The following PDE9A variants were observed in gnomAD, a reference collection of about 807,000 sequenced individuals.
The protein encoded by PDE9A is phosphodiesterase 9A, also known as high affinity cGMP-specific 3',5'-cyclic phosphodiesterase 9A.
PDE9A carries 60 observed loss-of-function variants against 87.4 expected under a neutral mutation model. The ratio of observed to expected loss-of-function variants is 0.69; its 90% CI spans 0.56 to 0.85. The LOEUF (loss-of-function observed/expected upper bound fraction) is 0.85. Among genes scored for constraint, PDE9A ranks in the 40% least tolerant of loss-of-function variants. PDE9A has a pLI of 0.00. For missense variants in PDE9A, 665 were observed against 779.0 expected, an observed-to-expected ratio of 0.85 and a Z score of 1.74; for synonymous variants, 272 against 279.4, an observed-to-expected ratio of 0.97 and a Z score of 0.27.
intron 3 of PDE9A, among the ~76,000 whole-genome samples, chr21:42,698,185 A>G (rs1006985656): frequency 2.0e-5 from 3 of 152,156 alleles, no homozygotes; most frequent in African/African-American, 7.2e-5. Context: ...AGATGTGGCA[A>G]CCCACACCCC....
rs900302721 is a variant in PDE9A at position 42,682,544 on chromosome 21, T to C, written c.70-3648T>C. On this transcript the variant is annotated intron_variant, in intron 1 of 19. Transcript: ENST00000291539. ...ATATCAGAAGCAAAAGCCTCTGTTG[T>C]TTGCTATCCTAAGGTTAGGAAGCCA... is the stretch of plus-strand genomic sequence containing the variant. Among the ~76,000 whole-genome samples the C allele has an allele frequency of 3.9e-5, 6 of 152,376 alleles. No homozygotes were observed. In the South Asian group the frequency reaches 1.2e-3, roughly 32 times the overall value.
Position 42,770,703 on chromosome 21 carries a change from C to A in PDE9A, c.1591C>A (p.Leu531Ile). 2 of 1,611,848 alleles carry A rather than the reference C, an allele frequency of 1.2e-6. No homozygotes were observed. The highest frequency in any genetic ancestry group is 1.7e-6 in the Non-Finnish European group (2 of 1,177,852). ...LIPMFETVTK[L>I]FPMVEEIMLQ... ...GAATAAATCCGTGTGTCTCTCCCAG[C>A]TCTTCCCCATGGTTGAGGAGATCAT... Residue 531 changes from leucine (L) to isoleucine (I), a missense_variant and splice_region_variant, in exon 18 of 20, where the codon CTC (leucine) becomes ATC (isoleucine). Leu to Ile is a conservative substitution (Grantham distance 5). Coordinates refer to ENST00000291539, the MANE Select transcript of PDE9A (RefSeq NM_002606.3).
intron 4 of PDE9A, among the ~76,000 whole-genome samples, chr21:42,724,386 G>A (rs2050824752): frequency 6.6e-6 from 1 of 152,228 alleles, no homozygotes. Context: ...TGAAATCACA[G>A]TTGTTTTAAG....
At chr21:42,667,625 C>T (rs1007124530) in intron 1 of PDE9A, among the ~76,000 whole-genome samples, 4 of 152,152 alleles carry the variant, frequency 2.6e-5, no homozygotes, top group African/African-American at 9.7e-5. Context: ...ACAGGAGTTG[C>T]AGGTTTTTGG....
At chr21:42,674,054 G>A (rs768134660) in intron 1 of PDE9A, among the ~76,000 whole-genome samples, 1 of 152,218 alleles carries the variant, frequency 6.6e-6, no homozygotes, top group African/African-American at 2.4e-5. Flanking sequence ...ACGAAGAAAC[G>A]AAATCTGAAT....
intron 7 of PDE9A, among the ~76,000 whole-genome samples, chr21:42,742,269 G>T (rs2053367296): frequency 6.6e-6 from 1 of 152,090 alleles, no homozygotes; most frequent in Admixed American, 6.6e-5. Context: ...AACTGCAATG[G>T]AGAAAGAGCC....
intron 2 of PDE9A, 127 bp downstream of exon 2, chr21:42,686,389 G>C (rs1006648364): frequency 5.6e-6 from 4 of 712,872 alleles, no homozygotes; most frequent in Non-Finnish European, 9.7e-6. Flanking sequence ...GGGGCTCTTC[G>C]AAATCAATCA....
intron 4 of PDE9A, among the ~76,000 whole-genome samples, chr21:42,730,445 A>G (rs997458782): frequency 4.6e-5 from 7 of 152,194 alleles, no homozygotes; most frequent in African/African-American, 7.2e-5. Flanking sequence ...TTAATTTTTT[A>G]AATGAAATTA....
intron 7 of PDE9A, among the ~76,000 whole-genome samples, chr21:42,742,457 CTTTTTTTTTTT>C (rs60925435): frequency 7.0e-5 from 5 of 71,542 alleles, no homozygotes; most frequent in South Asian, 8.7e-4. Flanking sequence ...AAGCTGTCTG[CTTTTTTTTTTT>C]TTTTTTTTTT....
At position 42,760,477 on chromosome 21, in the gene PDE9A, C is replaced by CGCCGTATCATTAAAAA; in HGVS notation, c.1002+45_1002+46insGCCGTATCATTAAAAA. ...CACCCAGACCTCTACTCTCGGGGGT[C>CGCCGTATCATTAAAAA]AGACGGAGGCCCCCTTCCAGGGAGC... On this transcript the variant is annotated intron_variant, in intron 12 of 19. Coordinates refer to ENST00000291539, the MANE Select transcript of PDE9A (RefSeq NM_002606.3). This position sits in a 1 kb window ranked among gnomAD's most constrained non-coding sequence, Gnocchi z 5.2. The CGCCGTATCATTAAAAA allele has an allele frequency of 4.2e-6, 5 of 1,195,636 alleles. No individual in the cohort carries two copies. The highest frequency in any genetic ancestry group is 1.8e-5 in the Admixed American group (1 of 55,028). The allele number at this position is 1,195,636 out of a possible 1,614,324, so 74.1% of individuals were successfully genotyped here.
At chr21:42,755,744 C>G (rs2054968680) in intron 10 of PDE9A, among the ~76,000 whole-genome samples, 2 of 152,214 alleles carry the variant, frequency 1.3e-5, no homozygotes, top group South Asian at 4.1e-4. Context: ...ACAGTTAGAG[C>G]ACACTGACTC....
intron 1 of PDE9A, among the ~76,000 whole-genome samples, chr21:42,685,226 C>T (rs1012714614): frequency 1.3e-5 from 2 of 152,218 alleles, no homozygotes; most frequent in African/African-American, 4.8e-5. Flanking sequence ...CCCTGAGAGC[C>T]GAGACTCATG....
intron 4 of PDE9A, among the ~76,000 whole-genome samples, chr21:42,726,624 A>ATATATATATTTTTTTT: frequency 7.1e-4 from 14 of 19,778 alleles, no homozygotes; most frequent in South Asian, 4.1e-3. Flanking sequence ...ATATATATAT[A>ATATATATATTTTTTTT]TTTTTTTTTT....
chr21:42,752,787 G>A (rs1227234172), intron 9 of PDE9A, among the ~76,000 whole-genome samples: 1 of 152,202 alleles, frequency 6.6e-6, no homozygotes, highest in Non-Finnish European at 1.5e-5. Context: ...CTTGTCTTCT[G>A]TATAGAACCA....
intron 1 of PDE9A, among the ~76,000 whole-genome samples, chr21:42,654,208 CGGGCAGCCCCGG>C (rs1192983159): frequency 6.6e-6 from 1 of 152,140 alleles, no homozygotes; most frequent in Non-Finnish European, 1.5e-5. Context: ...ATCGGCCCGC[CGGGCAGCCCCGG>C]GGTCGTGGTC....
intron 1 of PDE9A, among the ~76,000 whole-genome samples, chr21:42,680,112 G>C (rs1266378849): frequency 6.6e-6 from 1 of 152,194 alleles, no homozygotes; most frequent in African/African-American, 2.4e-5. Flanking sequence ...AGCCTCCGCT[G>C]CCCCCGGGCT....
chr21:42,693,803 G>C lies in PDE9A; in HGVS notation c.219-5165G>C, dbSNP rs141316627. 1.1e-3 allele frequency among the ~76,000 whole-genome samples: 169 copies of C among 150,804 alleles called. 1 individual carries two copies. In the East Asian group the frequency reaches 0.024, roughly 22 times the overall value. Reference sequence around the variant, plus strand: ...GATGGGGTTTCTCCATGTTGGTCAGGCTGGTCTCAAACTCCTGACCTCAGG... The same window carrying C: ...GATGGGGTTTCTCCATGTTGGTCAGCCTGGTCTCAAACTCCTGACCTCAGG... On this transcript the variant is annotated intron_variant, in intron 3 of 19. Transcript: ENST00000291539.
At chr21:42,657,296 C>T (rs544444597) in intron 1 of PDE9A, among the ~76,000 whole-genome samples, 1 of 152,340 alleles carries the variant, frequency 6.6e-6, no homozygotes, top group African/African-American at 2.4e-5. Context: ...CAGGACTTGG[C>T]ACTTCCCCAG....
At chr21:42,724,556 C>A in intron 4 of PDE9A, 1 of 984,452 alleles carries the variant, frequency 1.0e-6, no homozygotes, top group Non-Finnish European at 1.2e-6. Context: ...TTTCCCCCAG[C>A]AAAAGAATGC....
Sources: gnomAD v4.1 joint callset for allele counts (sites outside exome capture counted in the v4.1 genomes callset) on GRCh38, gnomAD v4.1.1 for gene constraint, Gnocchi (gnomAD v3.1) non-coding constraint, MANE v1.5 for transcripts, NCBI Gene and HGNC (gene_info 2026-07-23, HGNC 2026-07-21) for gene names.